The following PCDHGA2 variants were observed in gnomAD, a reference collection of about 807,000 sequenced individuals.
The protein encoded by PCDHGA2 is protocadherin gamma subfamily A, 2.
PCDHGA2 carries 40 observed loss-of-function variants against 59.2 expected under a neutral mutation model. The observed-to-expected ratio is 0.68, with a 90% CI of 0.52 to 0.88. PCDHGA2 has a LOEUF of 0.88. PCDHGA2 is among the 40% of genes least tolerant of loss of function. PCDHGA2 has a pLI of 0.00. For missense variants in PCDHGA2, 1,226 were observed against 1,204.0 expected (o/e 1.02, Z -0.27); for synonymous variants, 560 against 526.0 (o/e 1.06, Z -0.89).
chr5:141,432,874 G>A lies in PCDHGA2; in HGVS notation c.2425-61933G>A, dbSNP rs2097545539. 2 of 1,614,176 alleles carry A rather than the reference G, an allele frequency of 1.2e-6. No homozygotes were observed. The highest frequency in any genetic ancestry group is 1.7e-6 in the Non-Finnish European group (2 of 1,180,014). Reference sequence around the variant, plus strand: ...TGGCCGCGGTCTCCTGCGTCTTCCTGGCCTTCGTCATCTTGCTGCTGGCGC... The same window carrying A: ...TGGCCGCGGTCTCCTGCGTCTTCCTAGCCTTCGTCATCTTGCTGCTGGCGC... On this transcript the variant is annotated intron_variant, in intron 1 of 3. Transcript: ENST00000394576. This position sits in a 1 kb window ranked among gnomAD's most constrained non-coding sequence, Gnocchi z 6.0.
chr5:141,404,909 C>G, intron 1 of PCDHGA2: 1 of 1,613,916 alleles, frequency 6.2e-7, no homozygotes, highest in Non-Finnish European at 8.5e-7. Flanking sequence ...TGGCCAGCCC[C>G]CTCTCTCGGC....
rs778372966 is a variant in PCDHGA2, at chr5:141,477,105, A to G, written c.2425-17702A>G. The G allele has an allele frequency of 7.4e-6, 12 of 1,614,106 alleles. No individual in the cohort carries two copies. The highest frequency in any genetic ancestry group is 4.0e-5 in the African/African-American group (3 of 74,934). On this transcript the variant is annotated intron_variant, in intron 1 of 3. Transcript: ENST00000394576. This position sits in a 1 kb window ranked among gnomAD's most constrained non-coding sequence, Gnocchi z 4.9. ...ATCCAGGCCAAAGACAAGGGCGCCA[A>G]TCCCGAAGGAGCACATTGCAAAGTG...
chr5:141,509,320 C>T (rs1261653347), intron 3 of PCDHGA2, among the ~76,000 whole-genome samples: 2 of 152,194 alleles, frequency 1.3e-5, no homozygotes, highest in East Asian at 3.8e-4. Flanking sequence ...GGGAGAGAAG[C>T]TCTACTGCCA....
chr5:141,374,678 A>G (rs753625335), intron 1 of PCDHGA2: 1 of 1,610,496 alleles, frequency 6.2e-7, no homozygotes, highest in African/African-American at 1.3e-5. Context: ...GCTGGAGGGC[A>G]CACTGGACCG....
At chr5:141,364,450 CA>C (rs754806491) in intron 1 of PCDHGA2, 3 of 1,613,980 alleles carry the variant, frequency 1.9e-6, no homozygotes, top group Non-Finnish European at 2.5e-6. Context: ...AGGAGCTGGA[CA>C]AAGGCTCCTT....
chr5:141,409,416 T>G (rs770750853), intron 1 of PCDHGA2: 1 of 1,613,964 alleles, frequency 6.2e-7, no homozygotes, highest in South Asian at 1.1e-5. Flanking sequence ...TACAAACTGG[T>G]GACAGATGGA....
chr5:141,352,508 C>G (rs774085547), intron 1 of PCDHGA2: 2 of 1,614,022 alleles, frequency 1.2e-6, no homozygotes, highest in Non-Finnish European at 8.5e-7. Context: ...TTCCTACAAT[C>G]TATGTATTGC....
intron 1 of PCDHGA2, among the ~76,000 whole-genome samples, chr5:141,492,164 C>G (rs1180358388): frequency 6.6e-6 from 1 of 152,230 alleles, no homozygotes; most frequent in Non-Finnish European, 1.5e-5. Context: ...CTCCCTATCC[C>G]CGCATCACCC....
chr5:141,469,213 G>A (rs866405809), intron 1 of PCDHGA2, among the ~76,000 whole-genome samples: 21 of 150,912 alleles, frequency 1.4e-4, no homozygotes, highest in African/African-American at 5.1e-4. Flanking sequence ...TGAAGTTGAG[G>A]CTTCAGTGAG....
At position 141,431,574 on chromosome 5, in the gene PCDHGA2, G is replaced by T. The variant is rs1476143491; in HGVS notation, c.2425-63233G>T. The T allele has an allele frequency of 6.2e-7, 1 of 1,614,196 alleles. No homozygotes were observed. Among genetic ancestry groups the T allele is most frequent in the Admixed American group, 1.7e-5 (1 of 60,034 alleles). On this transcript the variant is annotated intron_variant, in intron 1 of 3. Transcript: ENST00000394576. This position sits in a 1 kb window ranked among gnomAD's most constrained non-coding sequence, Gnocchi z 4.8. The stretch of plus-strand genomic sequence containing the variant: ...GTCAACGCTACCGACCCTGACGAAG[G>T]AGTCAATGCGGAAGTGAGGTATTCC...
chr5:141,392,791 G>T, intron 1 of PCDHGA2: 1 of 1,557,836 alleles, frequency 6.4e-7, no homozygotes, highest in Non-Finnish European at 8.7e-7. Flanking sequence ...AAGATTCTGA[G>T]AGGATTCTGC....
At chr5:141,365,049 C>T in intron 1 of PCDHGA2, 1 of 1,613,898 alleles carries the variant, frequency 6.2e-7, no homozygotes, top group Non-Finnish European at 8.5e-7. Flanking sequence ...GACAATGCGC[C>T]CCTGTTCACC....
At chr5:141,510,785 C>G (rs951225541) in intron 3 of PCDHGA2, among the ~76,000 whole-genome samples, 162 bp from the exon 4 acceptor site, 1 of 152,150 alleles carries the variant, frequency 6.6e-6, no homozygotes, top group Non-Finnish European at 1.5e-5. Flanking sequence ...ACCCTCAACT[C>G]TTGTGAAGAG....
Position 141,397,017 on chromosome 5 carries a change from G to T in PCDHGA2, c.2424+55622G>T, listed in dbSNP as rs149652099. On this transcript the variant is annotated intron_variant, in intron 1 of 3. Transcript: ENST00000394576. ...TAATCTGACAAATGGACTAAAGAAG[G>T]TTGACCAATGTCCACAAATTTATGT... Among the ~76,000 whole-genome samples, 399 of 152,296 alleles carry T rather than the reference G, an allele frequency of 2.6e-3. 1 individual carries two copies. Among genetic ancestry groups the T allele is most frequent in the Non-Finnish European group, 4.1e-3 (279 of 68,028 alleles).
At chr5:141,381,572 T>A (rs566489339) in intron 1 of PCDHGA2, among the ~76,000 whole-genome samples, 1 of 152,338 alleles carries the variant, frequency 6.6e-6, no homozygotes, top group African/African-American at 2.4e-5. Flanking sequence ...ATGAAAAGAA[T>A]CAGCCAATCC....
chr5:141,350,827 G>T (rs763130974), intron 1 of PCDHGA2: 1 of 1,613,880 alleles, frequency 6.2e-7, no homozygotes, highest in East Asian at 2.2e-5. Context: ...GTAAATATCC[G>T]GTATTACTGC....
At chr5:141,492,091 C>A (rs930375969) in intron 1 of PCDHGA2, among the ~76,000 whole-genome samples, 1 of 152,242 alleles carries the variant, frequency 6.6e-6, no homozygotes, top group South Asian at 2.1e-4. Flanking sequence ...CACGCTTCGC[C>A]GGTCTGTAGA....
chr5:141,345,756 G>A (rs1284444428), intron 1 of PCDHGA2: 2 of 1,614,198 alleles, frequency 1.2e-6, no homozygotes, highest in Non-Finnish European at 1.7e-6. Context: ...TTCCACTGGC[G>A]TGGAGCTGGC....
intron 1 of PCDHGA2, chr5:141,420,076 TCCC>T: frequency 1.9e-6 from 3 of 1,613,956 alleles, no homozygotes; most frequent in Non-Finnish European, 2.5e-6. Context: ...GACCTGTGGG[TCCC>T]CCCAACTACA....
Sources: allele counts gnomAD v4.1 joint callset (sites outside exome capture counted in the v4.1 genomes callset), GRCh38; gene constraint gnomAD v4.1.1; non-coding constraint Gnocchi (gnomAD v3.1); transcripts MANE v1.5; gene names NCBI Gene and HGNC (gene_info 2026-07-23, HGNC 2026-07-21).